The following PDE10A variants were observed in gnomAD, a reference collection of about 807,000 sequenced individuals.
The protein encoded by PDE10A is phosphodiesterase 10A.
Under a neutral mutation model 97.7 loss-of-function variants are expected in PDE10A, and 39 were observed. The observed-to-expected ratio is 0.40, with a 90% CI of 0.31 to 0.52. The LOEUF is 0.52. Ranked by LOEUF, PDE10A falls within the 20% of genes least tolerant of loss-of-function variation. The pLI, the probability that PDE10A is intolerant of heterozygous loss-of-function variation, is 0.56. For synonymous variants in PDE10A, 371 were observed against 376.8 expected, an observed-to-expected ratio of 0.98 and a Z score of 0.18; for missense variants, 731 against 1,047.8, an observed-to-expected ratio of 0.70 and a Z score of 4.17.
chr6:165,457,753 A>G (rs2128254922), intron 3 of PDE10A, among the ~76,000 whole-genome samples: 1 of 152,294 alleles, frequency 6.6e-6, no homozygotes, highest in Non-Finnish European at 1.5e-5. Flanking sequence ...TTTACAAAAT[A>G]AAATGGTAAT....
At chr6:165,843,488 C>G (rs1288100686) in intron 1 of PDE10A, among the ~76,000 whole-genome samples, 1 of 152,192 alleles carries the variant, frequency 6.6e-6, no homozygotes, top group African/African-American at 2.4e-5. Flanking sequence ...TCCACAAGTC[C>G]AAGAGCAGGG....
chr6:165,889,890 TCCTC>T (rs1248387294), intron 1 of PDE10A, among the ~76,000 whole-genome samples: 153 of 41,924 alleles, frequency 3.6e-3, no homozygotes, highest in African/African-American at 0.012. Flanking sequence ...CCTCACTCAC[TCCTC>T]CCTCCCTCCC....
chr6:165,535,600 C>CGTGT (rs1327329446), intron 2 of PDE10A, among the ~76,000 whole-genome samples: 1 of 148,236 alleles, frequency 6.7e-6, no homozygotes, highest in African/African-American at 2.5e-5. Flanking sequence ...TGTGTGTGTG[C>CGTGT]GCGTGTGTGT....
At chr6:165,447,646 A>G (rs1790965447) in intron 5 of PDE10A, among the ~76,000 whole-genome samples, 1 of 152,234 alleles carries the variant, frequency 6.6e-6, no homozygotes. Context: ...ATGCACCGAA[A>G]AGAAGTAATA....
chr6:165,833,899 C>G (rs1780001625), intron 1 of PDE10A, among the ~76,000 whole-genome samples: 1 of 152,218 alleles, frequency 6.6e-6, no homozygotes, highest in South Asian at 2.1e-4. Context: ...CTAGCCGAGA[C>G]CTGATTCCAA....
At chr6:165,508,386 G>A (rs748740700) in intron 2 of PDE10A, among the ~76,000 whole-genome samples, 2 of 151,930 alleles carry the variant, frequency 1.3e-5, no homozygotes, top group African/African-American at 2.4e-5. Flanking sequence ...ACTGTTGCCT[G>A]TATCAATAAT....
intron 1 of PDE10A, among the ~76,000 whole-genome samples, chr6:165,808,184 A>G (rs979995149): frequency 3.9e-5 from 6 of 152,188 alleles, no homozygotes; most frequent in Non-Finnish European, 8.8e-5. Flanking sequence ...GAAAGTATTC[A>G]TCTCAGATCA....
chr6:165,832,295 C>T (rs1039385705), intron 1 of PDE10A, among the ~76,000 whole-genome samples: 16 of 151,792 alleles, frequency 1.1e-4, no homozygotes, highest in Admixed American at 9.2e-4. Flanking sequence ...GAGGAAGGAA[C>T]GAAACAGCCG....
chr6:165,965,948 T>C (rs1784497407), intron 1 of PDE10A, among the ~76,000 whole-genome samples: 1 of 152,194 alleles, frequency 6.6e-6, no homozygotes, highest in Non-Finnish European at 1.5e-5. Context: ...GTAAACTATA[T>C]TATTAGGGGT....
chr6:165,437,229 G>T (rs907125015), intron 5 of PDE10A, among the ~76,000 whole-genome samples: 2 of 146,074 alleles, frequency 1.4e-5, no homozygotes, highest in Non-Finnish European at 3.1e-5. Context: ...AATGTAAAAC[G>T]CACATCTTTT....
intron 1 of PDE10A, chr6:165,910,792 T>A (rs1782433303): frequency 6.6e-6 from 1 of 152,190 alleles, no homozygotes; most frequent in African/African-American, 2.4e-5. Flanking sequence ...AATGTTGACT[T>A]TGGAATCAAG....
At chr6:165,513,801 T>C (rs1781641660) in intron 2 of PDE10A, among the ~76,000 whole-genome samples, 1 of 152,154 alleles carries the variant, frequency 6.6e-6, no homozygotes, top group Admixed American at 6.5e-5. Context: ...TTCTTTCAGA[T>C]TGTTCATTTT....
intron 1 of PDE10A, among the ~76,000 whole-genome samples, chr6:165,961,905 A>G (rs764380076): frequency 6.6e-6 from 1 of 152,230 alleles, no homozygotes; most frequent in Non-Finnish European, 1.5e-5. Flanking sequence ...GCAATGAAGG[A>G]AGGACATGAA....
intron 1 of PDE10A, among the ~76,000 whole-genome samples, chr6:165,692,186 G>A (rs186553209): frequency 2.4e-4 from 37 of 152,296 alleles, no homozygotes; most frequent in African/African-American, 5.5e-4. Context: ...ACAGGAAGGC[G>A]TGGGCTTATA....
At chr6:165,959,316 C>A (rs890787414) in intron 1 of PDE10A, among the ~76,000 whole-genome samples, 2 of 151,918 alleles carry the variant, frequency 1.3e-5, no homozygotes, top group Non-Finnish European at 2.9e-5. Context: ...TGGGAGGAGG[C>A]AAGTGAGGGA....
At chr6:165,717,565 C>T (rs867757014) in intron 1 of PDE10A, among the ~76,000 whole-genome samples, 20 of 143,824 alleles carry the variant, frequency 1.4e-4, no homozygotes, top group Non-Finnish European at 2.6e-4. Context: ...GCCTGGGCTA[C>T]AGAGAGAGAC....
intron 1 of PDE10A, among the ~76,000 whole-genome samples, chr6:165,804,434 A>G (rs1430121902): frequency 2.0e-5 from 3 of 152,172 alleles, no homozygotes; most frequent in African/African-American, 7.2e-5. Flanking sequence ...TTTTGGCCCT[A>G]TGCTGGCTGA....
chr6:165,657,155 G>T (rs1327001822), intron 1 of PDE10A, among the ~76,000 whole-genome samples: 1 of 152,226 alleles, frequency 6.6e-6, no homozygotes, highest in Non-Finnish European at 1.5e-5. Flanking sequence ...CTCTCATGGA[G>T]CTTCCTTTCC....
intron 2 of PDE10A, among the ~76,000 whole-genome samples, chr6:165,508,179 C>T (rs893229796): frequency 1.3e-5 from 2 of 152,002 alleles, no homozygotes; most frequent in African/African-American, 4.8e-5. Context: ...TGAAAAAACA[C>T]ACAAATCACC....
Sources: allele counts gnomAD v4.1 joint callset (sites outside exome capture counted in the v4.1 genomes callset), GRCh38; gene constraint gnomAD v4.1.1; transcripts MANE v1.5; gene names NCBI Gene and HGNC (gene_info 2026-07-23, HGNC 2026-07-21).